Variants in RASA3 observed in about 807,000 individuals in gnomAD.
RASA3 encodes the protein RAS p21 protein activator 3.
A neutral mutation model predicts 110.0 loss-of-function variants in RASA3; 73 were observed. The ratio of observed to expected loss-of-function variants is 0.66; its 90% CI spans 0.55 to 0.81. RASA3 has a LOEUF of 0.81. Ranked by LOEUF, RASA3 falls within the 30% of genes least tolerant of loss-of-function variation. The pLI, the probability that RASA3 is intolerant of heterozygous loss-of-function variation, is 0.00. For missense variants in RASA3, 976 were observed against 1,113.2 expected, an observed-to-expected ratio of 0.88 and a Z score of 1.75; for synonymous variants, 500 against 451.4, an observed-to-expected ratio of 1.11 and a Z score of -1.37.
At chr13:113,994,669 A>C (rs970243424) in intron 21 of RASA3, among the ~76,000 whole-genome samples, 7 of 152,136 alleles carry the variant, frequency 4.6e-5, no homozygotes, top group Non-Finnish European at 1.0e-4. Context: ...CCCCGTCTCT[A>C]CAAAAAACCA....
At position 114,132,510 on chromosome 13, in the gene RASA3, G is replaced by A. The variant is rs1373940283; in HGVS notation, c.-21C>T. The A allele has an allele frequency of 6.8e-7, 1 of 1,480,222 alleles. No individual in the cohort carries two copies. The highest frequency in any genetic ancestry group is 8.9e-7 in the Non-Finnish European group (1 of 1,119,624). 91.7% of individuals were successfully genotyped at this position (1,480,222 alleles called of 1,614,324 possible). A position where few individuals can be genotyped will look rare whatever the true frequency, so the allele number is the denominator to read the frequency against. On this transcript the variant is annotated 5_prime_UTR_variant, in exon 1 of 24. Coordinates refer to ENST00000334062, the MANE Select transcript of RASA3 (RefSeq NM_007368.4). ...GCCATGCTGCGCGTCCGCGCCCGCC[G>A]AGCCTCGCCCCAAGCGCGCGCCGAG...
chr13:114,130,969 G>A (rs555088212), intron 1 of RASA3, among the ~76,000 whole-genome samples: 1 of 152,368 alleles, frequency 6.6e-6, no homozygotes, highest in African/African-American at 2.4e-5. Context: ...CAGGCAAGGC[G>A]ACCTCAGGCA....
At chr13:114,041,358 T>C (rs1179170527) in intron 3 of RASA3, among the ~76,000 whole-genome samples, 1 of 152,264 alleles carries the variant, frequency 6.6e-6, no homozygotes, top group Non-Finnish European at 1.5e-5. Flanking sequence ...GGTGGCACTG[T>C]ATCTCTAAAA....
intron 1 of RASA3, among the ~76,000 whole-genome samples, chr13:114,127,540 C>G (rs9562120): frequency 0.05 from 7,580 of 152,158 alleles, 440 homozygotes; most frequent in East Asian, 0.27. Context: ...CTAAGGTCAC[C>G]AACAAGTCTC....
Position 114,076,783 on chromosome 13 carries a change from G to GC in RASA3, c.56-2947dup, listed in dbSNP as rs527362939. 2.0e-4 allele frequency among the ~76,000 whole-genome samples: 31 copies of GC among 152,220 alleles called. No homozygotes were observed. In the East Asian group the frequency reaches 5.8e-3, roughly 29 times the overall value. On this transcript the variant is annotated intron_variant, in intron 1 of 23. Transcript: ENST00000334062. ...AGCACACCCAGCAAGTCGGACAGGG[G>GC]CCCCTCCAGCCTCCCGGCCCTGTTT...
chr13:114,019,328 G>A (rs913091656), intron 9 of RASA3, among the ~76,000 whole-genome samples: 4 of 152,262 alleles, frequency 2.6e-5, no homozygotes, highest in African/African-American at 9.6e-5. Context: ...GGGGCCTTGG[G>A]CTAGTGAGCC....
At chr13:114,021,540 A>G (rs1170024963) in intron 8 of RASA3, 32 bp from the exon 9 acceptor site, 9 of 1,593,042 alleles carry the variant, frequency 5.6e-6, no homozygotes, top group Non-Finnish European at 7.7e-6. Flanking sequence ...GCTCTAGCTG[A>G]CGGCGGGCAG....
At chr13:114,069,642 C>T (rs1371891435) in intron 2 of RASA3, among the ~76,000 whole-genome samples, 12 of 9,446 alleles carry the variant, frequency 1.3e-3, no homozygotes, top group Admixed American at 1.4e-3. Context: ...CTCGGGGAGC[C>T]GGGAGACTCG....
chr13:113,981,618 TGCAATCTCCCGCCCACTACACTG>T (rs1164186245), intron 23 of RASA3, 34 bp downstream of exon 23: 1 of 1,368,666 alleles, frequency 7.3e-7, no homozygotes, highest in African/African-American at 1.4e-5. Flanking sequence ...CCACCCCCAC[TGCAATCTCCCGCCCACTACACTG>T]GCCGTCCAGG....
chr13:114,105,262 C>T (rs1465914542), intron 1 of RASA3, among the ~76,000 whole-genome samples: 4 of 152,094 alleles, frequency 2.6e-5, no homozygotes, highest in Non-Finnish European at 4.4e-5. Context: ...CCAGCCTCAT[C>T]CCCAGCAGCC....
Position 114,007,517 on chromosome 13 carries a change from ACCTTACCCT to A in RASA3, c.1742+7_1742+15del, listed in dbSNP as rs1218184903. 3.7e-6 allele frequency: 6 copies of A among 1,602,904 alleles called. No homozygotes were observed. Among genetic ancestry groups the A allele is most frequent in the Non-Finnish European group, 5.1e-6 (6 of 1,171,800 alleles). ...CTCCCCTCCTGCCCTGCCAGACGCC[ACCTTACCCT>A]CCTTACCCTTCTTTAAGCACGATGG... On this transcript the variant is annotated splice_region_variant and intron_variant, in intron 18 of 23. Transcript: ENST00000334062.
At chr13:114,100,141 C>T (rs1290766490) in intron 1 of RASA3, among the ~76,000 whole-genome samples, 1 of 151,302 alleles carries the variant, frequency 6.6e-6, no homozygotes, top group African/African-American at 2.4e-5. Flanking sequence ...CCAAACTCTG[C>T]GCAATAGGAA....
intron 1 of RASA3, among the ~76,000 whole-genome samples, chr13:114,103,483 C>T (rs545235467): frequency 6.6e-6 from 1 of 152,044 alleles, no homozygotes; most frequent in Non-Finnish European, 1.5e-5. Flanking sequence ...CGAGGAGCAC[C>T]TGACACCGGA....
At chr13:114,034,960 C>G (rs1206904208) in intron 4 of RASA3, among the ~76,000 whole-genome samples, 2 of 145,830 alleles carry the variant, frequency 1.4e-5, no homozygotes, top group African/African-American at 2.6e-5. Context: ...GAAGGGAGAT[C>G]TGAACGCTGA....
intron 1 of RASA3, among the ~76,000 whole-genome samples, chr13:114,127,703 T>C (rs764382285): frequency 4.6e-5 from 7 of 151,672 alleles, no homozygotes; most frequent in African/African-American, 7.3e-5. Context: ...AGTCCTGGAG[T>C]TGGAGAGTTG....
At chr13:114,009,296 C>G (rs982096275) in intron 17 of RASA3, 91 bp downstream of exon 17, 15 of 1,053,554 alleles carry the variant, frequency 1.4e-5, no homozygotes, top group Non-Finnish European at 2.2e-5. Flanking sequence ...ATGGCCAAGT[C>G]TGTGTCATGT....
In RASA3 at chr13:114,007,556, C is replaced by T; in HGVS notation, c.1719G>A (p.Glu573=). The T allele has an allele frequency of 6.2e-7, 1 of 1,613,536 alleles. No individual in the cohort carries two copies. Among genetic ancestry groups the T allele is most frequent in the Non-Finnish European group, 8.5e-7 (1 of 1,179,800 alleles). Residue 573 remains glutamate (E), a synonymous_variant, in exon 18 of 24, where the codon GAG becomes GAA. Transcript: ENST00000334062. The part of the protein sequence containing the change: ...SSGRRDPKSV[E]QPIVLKEGFM... ...ACCCTTCTTTAAGCACGATGGGCTG[C>T]TCAACACTCTTGGGGTCTCTTCTCC... is the stretch of plus-strand genomic sequence containing the variant.
At chr13:114,110,735 C>T (rs548391016) in intron 1 of RASA3, among the ~76,000 whole-genome samples, 7 of 152,384 alleles carry the variant, frequency 4.6e-5, no homozygotes, top group African/African-American at 9.6e-5. Flanking sequence ...CGCCTTCACC[C>T]GCTCAGCCTC....
At chr13:113,991,900 A>G (rs2053123889) in intron 22 of RASA3, among the ~76,000 whole-genome samples, 1 of 152,146 alleles carries the variant, frequency 6.6e-6, no homozygotes. Flanking sequence ...ATGCTCACAC[A>G]TGTACCCACA....
Sources: gnomAD v4.1 joint callset for allele counts (sites outside exome capture counted in the v4.1 genomes callset) on GRCh38, gnomAD v4.1.1 for gene constraint, MANE v1.5 for transcripts, NCBI Gene and HGNC (gene_info 2026-07-23, HGNC 2026-07-21) for gene names.